INO80: variants seen among roughly 807,000 people sequenced by gnomAD.
INO80 encodes chromatin-remodeling ATPase INO80.
In INO80, 20 loss-of-function variants were observed where a neutral mutation model predicts 203.4. That is an observed-to-expected ratio of 0.10 (90% CI 0.07 to 0.14). INO80 has a LOEUF of 0.14. Ranked by LOEUF, INO80 falls within the 10% of genes least tolerant of loss-of-function variation. The pLI is 1.00. For missense variants in INO80, 1,419 were observed against 1,914.4 expected (o/e 0.74, Z 4.83); for synonymous variants, 726 against 685.2 (o/e 1.06, Z -0.93).
At chr15:41,102,104 T>C (rs2045817492) in intron 1 of INO80, among the ~76,000 whole-genome samples, 1 of 151,920 alleles carries the variant, frequency 6.6e-6, no homozygotes, top group African/African-American at 2.4e-5. Context: ...GGCAGGAGAA[T>C]CGCTTGAACC....
rs2043895663 is a variant in INO80 at position 40,997,510 on chromosome 15, T to C, written c.3570+19A>G. ...GTAGAAAACCTGCATATCTAGTTGA[T>C]TGTGCTCTCATTACTTACTGTGTCT... On this transcript the variant is annotated intron_variant, in intron 29 of 35. Coordinates refer to ENST00000648947, the MANE Select transcript of INO80 (RefSeq NM_017553.3). 1.9e-6 allele frequency: 3 copies of C among 1,541,484 alleles called. No individual in the cohort carries two copies. The highest frequency in any genetic ancestry group is 2.2e-5 in the East Asian group (1 of 44,502).
rs2045581810 is a variant in INO80 at position 41,087,672 on chromosome 15, T to C, written c.548A>G (p.Tyr183Cys). 1 of 1,610,990 alleles carries C rather than the reference T, an allele frequency of 6.2e-7. No individual in the cohort carries two copies. The highest frequency in any genetic ancestry group is 8.5e-7 in the Non-Finnish European group (1 of 1,178,856). The change falls in exon 6 of 36, where the codon TAT (tyrosine) becomes TGT (cysteine). Residue 183 changes from tyrosine (Y) to cysteine (C), a missense_variant. By Grantham distance (194) the Tyr-to-Cys change is radical. Transcript: ENST00000648947. The stretch of plus-strand genomic sequence containing the variant: ...GAGCAGGCCTGCACTGTAGTACTGA[T>C]ATTGCTGCAACTGAAGCAGGCAAAG... ...KYSKDKELQQ[Y>C]QYYSAGLLST...
intron 28 of INO80, among the ~76,000 whole-genome samples, chr15:40,999,019 C>CACACACACACACACACAA (rs751613069): frequency 6.6e-6 from 1 of 150,522 alleles, no homozygotes; most frequent in African/African-American, 2.5e-5. Context: ...CACACACACA[C>CACACACACACACACACAA]AAATAAGGGC....
chr15:41,026,041 CAA>C (rs1361387286), intron 25 of INO80, among the ~76,000 whole-genome samples: 1 of 151,350 alleles, frequency 6.6e-6, no homozygotes, highest in East Asian at 1.9e-4. Flanking sequence ...ATAAACCAAA[CAA>C]AGTTGATAGT....
chr15:41,115,832 C>T, intron 1 of INO80, 141 bp downstream of exon 1: 1 of 370,230 alleles, frequency 2.7e-6, no homozygotes, highest in Non-Finnish European at 4.8e-6. Flanking sequence ...CACACCCATC[C>T]TCCATACTAA....
At chr15:41,111,095 A>G (rs970563493) in intron 1 of INO80, among the ~76,000 whole-genome samples, 6 of 152,190 alleles carry the variant, frequency 3.9e-5, no homozygotes, top group African/African-American at 1.4e-4. Context: ...TACTTACTGA[A>G]AAGCACTTTA....
At chr15:41,088,561 G>C (rs905849728) in intron 5 of INO80, among the ~76,000 whole-genome samples, 1 of 152,084 alleles carries the variant, frequency 6.6e-6, no homozygotes, top group African/African-American at 2.4e-5. Flanking sequence ...TCTAACATAT[G>C]AATAACGTAA....
At chr15:41,014,660 G>T (rs1049125851) in intron 27 of INO80, among the ~76,000 whole-genome samples, 1 of 152,102 alleles carries the variant, frequency 6.6e-6, no homozygotes, top group African/African-American at 2.4e-5. Flanking sequence ...CATTCAAGGG[G>T]CTATGAAACC....
chr15:41,031,711 ATTC>A (rs1416517754), intron 24 of INO80, among the ~76,000 whole-genome samples: 4 of 151,464 alleles, frequency 2.6e-5, no homozygotes, highest in African/African-American at 4.9e-5. Context: ...AGCTTTTGCT[ATTC>A]TTCTGTCCCT....
intron 29 of INO80, among the ~76,000 whole-genome samples, chr15:40,994,038 C>T (rs538250929): frequency 1.1e-4 from 17 of 152,290 alleles, no homozygotes; most frequent in African/African-American, 3.6e-4. Context: ...TGGCTACTAA[C>T]CCCTATATGA....
intron 35 of INO80, 129 bp downstream of exon 35, chr15:40,982,733 G>T (rs938138976): frequency 4.2e-6 from 3 of 716,646 alleles, no homozygotes; most frequent in African/African-American, 3.5e-5. Flanking sequence ...CAAAGAAGAA[G>T]AACCCCAATT....
intron 23 of INO80, among the ~76,000 whole-genome samples, chr15:41,047,148 A>G (rs970900558): frequency 2.0e-5 from 3 of 151,534 alleles, no homozygotes; most frequent in African/African-American, 7.3e-5. Context: ...TGTATTTTTT[A>G]GAGATGGGGT....
chr15:41,057,797 CA>C (rs35197370), intron 16 of INO80, among the ~76,000 whole-genome samples: 663 of 29,314 alleles, frequency 0.023, no homozygotes, highest in South Asian at 0.07. Context: ...AACTACATCT[CA>C]AAAAAAAAAA....
intron 27 of INO80, among the ~76,000 whole-genome samples, chr15:41,009,989 C>T (rs1255302469): frequency 6.6e-6 from 1 of 152,140 alleles, no homozygotes; most frequent in Non-Finnish European, 1.5e-5. Flanking sequence ...ATAAAAGCAT[C>T]GCTATCCTGA....
chr15:41,064,484 A>T (rs1343576568), intron 14 of INO80, among the ~76,000 whole-genome samples: 3 of 152,204 alleles, frequency 2.0e-5, no homozygotes, highest in Non-Finnish European at 4.4e-5. Context: ...GGCTCAAGTG[A>T]TCATCCCACC....
chr15:41,115,045 G>C (rs1394677965), intron 1 of INO80, among the ~76,000 whole-genome samples: 3 of 152,120 alleles, frequency 2.0e-5, no homozygotes, highest in Admixed American at 2.0e-4. Context: ...TTTCAATAAA[G>C]CTATTATTTA....
intron 12 of INO80, among the ~76,000 whole-genome samples, chr15:41,071,448 C>CT (rs747609865): frequency 0.014 from 1,184 of 86,932 alleles, 4 homozygotes; most frequent in East Asian, 0.018. Flanking sequence ...TACTCATTTC[C>CT]TTTTTTTTTT....
chr15:41,085,420 A>G lies in INO80; in HGVS notation c.822T>C (p.Asn274=), dbSNP rs1022283361. Residue 274 remains asparagine, a synonymous_variant, in exon 7 of 36, where the codon AAT becomes AAC. Coordinates refer to ENST00000648947, the MANE Select transcript of INO80 (RefSeq NM_017553.3). ...KKKHLSIEQL[N]ARRRKVWLSI... ...TGAGCCATACTTTCCTGCGACGAGC[A>G]TTCAGCTGCTCAATGGATAAGTGCT... is the stretch of plus-strand genomic sequence containing the variant. The G allele has an allele frequency of 1.9e-6, 3 of 1,614,086 alleles. No individual in the cohort carries two copies. The African/African-American group carries it at 4.0e-5, about 22-fold the overall frequency.
chr15:41,086,619 C>T (rs1300489617), intron 6 of INO80, among the ~76,000 whole-genome samples: 2 of 151,282 alleles, frequency 1.3e-5, no homozygotes, highest in Non-Finnish European at 2.9e-5. Flanking sequence ...CCACTGCACT[C>T]CAGCCTGGGT....
Sources: gnomAD v4.1 joint callset for allele counts (sites outside exome capture counted in the v4.1 genomes callset) on GRCh38, gnomAD v4.1.1 for gene constraint, MANE v1.5 for transcripts, NCBI Gene and HGNC (gene_info 2026-07-23, HGNC 2026-07-21) for gene names.